Variants in RALGAPA1 observed in about 807,000 individuals in gnomAD.
The protein encoded by RALGAPA1 is ral GTPase-activating protein subunit alpha-1.
A neutral mutation model predicts 269.6 loss-of-function variants in RALGAPA1; 52 were observed. The observed-to-expected ratio is 0.19, with a 90% CI of 0.15 to 0.24. The LOEUF is 0.24. RALGAPA1 is among the 10% of genes least tolerant of loss of function. The probability of loss-of-function intolerance (pLI) is 1.00; values close to 1 mark genes in which losing one functional copy is unlikely to be tolerated. For synonymous variants in RALGAPA1, 817 were observed against 1,008.3 expected, an observed-to-expected ratio of 0.81 and a Z score of 3.60; for missense variants, 1,917 against 3,013.9, an observed-to-expected ratio of 0.64 and a Z score of 8.52.
At chr14:35,712,520 T>G (rs893497438) in intron 16 of RALGAPA1, among the ~76,000 whole-genome samples, 4 of 152,154 alleles carry the variant, frequency 2.6e-5, no homozygotes, top group African/African-American at 9.7e-5. Flanking sequence ...ATATTTATTA[T>G]TTTTCTTAGA....
intron 27 of RALGAPA1, among the ~76,000 whole-genome samples, chr14:35,663,167 A>T (rs2063665147): frequency 6.6e-6 from 1 of 152,070 alleles, no homozygotes; most frequent in Non-Finnish European, 1.5e-5. Flanking sequence ...GCTAGGATTA[A>T]AGGCATGAGC....
chr14:35,740,968 G>A (rs1292497165), intron 11 of RALGAPA1, among the ~76,000 whole-genome samples: 1 of 152,078 alleles, frequency 6.6e-6, no homozygotes, highest in Non-Finnish European at 1.5e-5. Context: ...TTTTGGGTTT[G>A]GTCCACACCA....
chr14:35,789,980 G>A (rs1373193871), intron 1 of RALGAPA1, among the ~76,000 whole-genome samples: 1 of 152,168 alleles, frequency 6.6e-6, no homozygotes, highest in African/African-American at 2.4e-5. Flanking sequence ...TTGGCCGGGT[G>A]CAATGGTTCA....
chr14:35,764,893 T>C (rs867725553), intron 4 of RALGAPA1, among the ~76,000 whole-genome samples: 5 of 152,180 alleles, frequency 3.3e-5, no homozygotes, highest in Non-Finnish European at 7.4e-5. Context: ...TTCTTTCTTA[T>C]GTGTTCTTTG....
chr14:35,795,733 G>C (rs940083521), intron 1 of RALGAPA1, among the ~76,000 whole-genome samples: 2 of 151,882 alleles, frequency 1.3e-5, no homozygotes, highest in African/African-American at 4.8e-5. Flanking sequence ...CCAGCACTTT[G>C]GGAGGCCAAG....
At chr14:35,595,568 C>A in intron 37 of RALGAPA1, 66 bp downstream of exon 37, 1 of 1,364,172 alleles carries the variant, frequency 7.3e-7, no homozygotes, top group South Asian at 1.2e-5. Context: ...TTCTTACTTA[C>A]GTATTTTCTG....
At chr14:35,642,272 C>T (rs2062082054) in intron 31 of RALGAPA1, among the ~76,000 whole-genome samples, 1 of 152,084 alleles carries the variant, frequency 6.6e-6, no homozygotes, top group African/African-American at 2.4e-5. Context: ...AAAGATTCTG[C>T]ACGGCAAAGT....
intron 12 of RALGAPA1, among the ~76,000 whole-genome samples, chr14:35,729,023 C>T (rs1424948792): frequency 6.6e-6 from 1 of 152,072 alleles, no homozygotes; most frequent in Non-Finnish European, 1.5e-5. Context: ...GTGTGAGCCA[C>T]TGCACCTGGC....
intron 37 of RALGAPA1, 32 bp downstream of exon 37, chr14:35,595,602 A>G: frequency 1.9e-6 from 3 of 1,579,032 alleles, no homozygotes; most frequent in South Asian, 2.2e-5. Flanking sequence ...AATTATGAGC[A>G]TTTTAATTTG....
intron 41 of RALGAPA1, chr14:35,541,722 C>G (rs1206083723): frequency 2.2e-6 from 1 of 456,742 alleles, no homozygotes; most frequent in Non-Finnish European, 4.4e-6. Flanking sequence ...CACGAGAGGC[C>G]CTCCCATTGC....
intron 28 of RALGAPA1, among the ~76,000 whole-genome samples, chr14:35,657,518 C>G (rs1484557121): frequency 6.6e-6 from 1 of 151,782 alleles, no homozygotes; most frequent in Non-Finnish European, 1.5e-5. Flanking sequence ...AAAACATATA[C>G]TAAAAAGGTA....
rs769364214 is a variant in RALGAPA1 at position 35,627,374 on chromosome 14, C to T, written c.6573G>A (p.Leu2191=). The T allele has an allele frequency of 6.2e-7, 1 of 1,614,166 alleles. No individual in the cohort carries two copies. The highest frequency in any genetic ancestry group is 1.1e-5 in the South Asian group (1 of 91,062). ...CAGGACTAGTAACACCCAAATACTGCAAGAGCTCATCAAGAACATCTTCTT... is the reference window on the plus strand; with the variant it reads ...CAGGACTAGTAACACCCAAATACTGTAAGAGCTCATCAAGAACATCTTCTT... ...RDEEDVLDEL[L]QYLGVTSPEC... The change falls in exon 34 of 42, where the codon TTG becomes TTA. Residue 2191 remains leucine, a synonymous_variant. Transcript: ENST00000680220.
At chr14:35,765,951 A>T in intron 4 of RALGAPA1, 1 of 1,369,596 alleles carries the variant, frequency 7.3e-7, no homozygotes. Context: ...TGGACCAGTT[A>T]AAAACCCCTG....
chr14:35,655,403 T>C (rs537242209), intron 29 of RALGAPA1, among the ~76,000 whole-genome samples: 1 of 152,044 alleles, frequency 6.6e-6, no homozygotes, highest in Admixed American at 6.6e-5. Flanking sequence ...AGAAGGCACA[T>C]AACTTGAAAA....
At chr14:35,661,427 G>A (rs1012625973) in intron 27 of RALGAPA1, among the ~76,000 whole-genome samples, 20 of 152,150 alleles carry the variant, frequency 1.3e-4, no homozygotes, top group Admixed American at 9.8e-4. Flanking sequence ...TGAAGTGGAT[G>A]TATGTTTAGC....
rs116688530 is a variant in RALGAPA1 at position 35,670,206 on chromosome 14, C to T, written c.5202+1183G>A. 5.1e-3 allele frequency among the ~76,000 whole-genome samples: 775 copies of T among 152,280 alleles called. 3 individuals carry two copies. Among genetic ancestry groups the T allele is most frequent in the African/African-American group, 0.018 (740 of 41,548 alleles). On this transcript the variant is annotated intron_variant, in intron 26 of 41. Transcript: ENST00000680220. Reference sequence around the variant, plus strand: ...ATCTTCCTCATGGATGTCTAATACACATCTTACTAGGCCCCAAATAGAACT... The same window carrying T: ...ATCTTCCTCATGGATGTCTAATACATATCTTACTAGGCCCCAAATAGAACT...
intron 12 of RALGAPA1, among the ~76,000 whole-genome samples, chr14:35,728,734 T>C (rs149863355): frequency 0.013 from 2,043 of 151,942 alleles, 23 homozygotes; most frequent in Non-Finnish European, 0.019. Flanking sequence ...AGTATTTCTT[T>C]CTTTTTTTTT....
chr14:35,759,592 TA>T (rs57642499), intron 6 of RALGAPA1, among the ~76,000 whole-genome samples: 3,954 of 130,664 alleles, frequency 0.03, 151 homozygotes, highest in African/African-American at 0.092. Context: ...ATTAAAGAAG[TA>T]AAAAAAAAAA....
chr14:35,784,635 G>A (rs2075677639), intron 1 of RALGAPA1, among the ~76,000 whole-genome samples: 1 of 152,088 alleles, frequency 6.6e-6, no homozygotes, highest in South Asian at 2.1e-4. Flanking sequence ...TTCTTGGCCA[G>A]GCTGAAAAGA....
Sources: allele counts gnomAD v4.1 joint callset (sites outside exome capture counted in the v4.1 genomes callset), GRCh38; gene constraint gnomAD v4.1.1; transcripts MANE v1.5; gene names NCBI Gene and HGNC (gene_info 2026-07-23, HGNC 2026-07-21).